Variants in NSUN6 observed in about 807,000 individuals in gnomAD.
The protein encoded by NSUN6 is NOP2/Sun RNA methyltransferase 6, also known as tRNA (cytosine(72)-C(5))-methyltransferase NSUN6.
A neutral mutation model predicts 58.0 loss-of-function variants in NSUN6; 64 were observed. The observed-to-expected ratio is 1.10, with a 90% confidence interval of 0.90 to 1.36. The LOEUF is 1.36. Among genes scored for constraint, NSUN6 ranks in the 40% most tolerant of loss-of-function variants. The pLI, the probability that NSUN6 is intolerant of heterozygous loss-of-function variation, is 0.00. For synonymous variants in NSUN6, 231 were observed against 193.9 expected (o/e 1.19, Z -1.59); for missense variants, 701 against 550.1 (o/e 1.27, Z -2.74).
intron 5 of NSUN6, among the ~76,000 whole-genome samples, chr10:18,612,021 C>T (rs138452508): frequency 6.6e-6 from 1 of 152,160 alleles, no homozygotes; most frequent in African/African-American, 2.4e-5. Flanking sequence ...CTGCTCCAGT[C>T]AGGACCAAAT....
At chr10:18,578,183 A>T (rs1489951452) in intron 8 of NSUN6, among the ~76,000 whole-genome samples, 1 of 150,918 alleles carries the variant, frequency 6.6e-6, no homozygotes, top group Non-Finnish European at 1.5e-5. Context: ...GCTAGGCAGG[A>T]CCTTTGAGCT....
At chr10:18,629,511 T>C (rs1404267232) in intron 3 of NSUN6, among the ~76,000 whole-genome samples, 1 of 144,054 alleles carries the variant, frequency 6.9e-6, no homozygotes, top group African/African-American at 2.6e-5. Flanking sequence ...AGGAAACCCA[T>C]CTCATGTGCA....
intron 8 of NSUN6, among the ~76,000 whole-genome samples, chr10:18,560,551 G>T (rs1334451373): frequency 6.6e-6 from 1 of 150,892 alleles, no homozygotes; most frequent in Admixed American, 6.6e-5. Flanking sequence ...GGAATGGAAT[G>T]CAGTGGTGAA....
Position 18,625,464 on chromosome 10 carries a change from G to C in NSUN6, c.312-9171C>G, listed in dbSNP as rs753858506. 1.4e-4 allele frequency among the ~76,000 whole-genome samples: 21 copies of C among 152,204 alleles called. No individual in the cohort carries two copies. In the South Asian group the frequency reaches 4.0e-3, roughly 29 times the overall value. ...GTGGTGGCTCACACCTGAAATCCCA[G>C]CACTTTGGAAGGCCGAGGTTGGTGG... On this transcript the variant is annotated intron_variant, in intron 3 of 10. Coordinates refer to ENST00000377304, the MANE Select transcript of NSUN6 (RefSeq NM_182543.5).
chr10:18,611,209 A>AAT (rs2058222837), intron 5 of NSUN6, among the ~76,000 whole-genome samples: 4 of 151,950 alleles, frequency 2.6e-5, no homozygotes, highest in African/African-American at 4.8e-5. Flanking sequence ...TTTTAAAAAA[A>AAT]TTTTTTTTAA....
At chr10:18,563,159 A>G (rs1222030824) in intron 8 of NSUN6, among the ~76,000 whole-genome samples, 1 of 149,802 alleles carries the variant, frequency 6.7e-6, no homozygotes, top group Non-Finnish European at 1.5e-5. Flanking sequence ...GTGGAACAAA[A>G]TGGAGAATGG....
At chr10:18,652,446 GAC>G (rs1227011924), upstream of NSUN6, 2 of 982,708 alleles carry the variant, frequency 2.0e-6, no homozygotes, top group Non-Finnish European at 1.2e-6. Flanking sequence ...TATACACACA[GAC>G]ACACACACAT....
chr10:18,625,275 C>A (rs940165106), intron 3 of NSUN6, among the ~76,000 whole-genome samples: 1 of 152,172 alleles, frequency 6.6e-6, no homozygotes, highest in Non-Finnish European at 1.5e-5. Context: ...ATCTCTGATG[C>A]AGGTAATATC....
At chr10:18,636,855 C>T (rs1483291186) in intron 3 of NSUN6, among the ~76,000 whole-genome samples, 4 of 150,302 alleles carry the variant, frequency 2.7e-5, no homozygotes, top group Admixed American at 2.7e-4. Context: ...CTTCACTGCA[C>T]TCCAGCCTGG....
chr10:18,658,783 G>C (rs1434314088), upstream of NSUN6: 1 of 267,528 alleles, frequency 3.7e-6, no homozygotes, highest in East Asian at 1.8e-4. Context: ...CAGGAAGATC[G>C]CTTGAGCCCA....
intron 5 of NSUN6, among the ~76,000 whole-genome samples, chr10:18,610,931 C>G (rs2058210436): frequency 1.3e-5 from 2 of 152,106 alleles, no homozygotes; most frequent in Non-Finnish European, 2.9e-5. Flanking sequence ...TAAGCCGGCA[C>G]AGTGGCTTAT....
chr10:18,565,904 G>A lies in NSUN6; in HGVS notation c.923-13933C>T, dbSNP rs62648434. ...TCCATTCCATTCTCCATTCCATTCC[G>A]TTCTCCATTCTGCATTCCATTCCAT... On this transcript the variant is annotated intron_variant, in intron 8 of 10. Transcript: ENST00000377304. Among the ~76,000 whole-genome samples, 177 of 137,980 alleles carry A rather than the reference G, an allele frequency of 1.3e-3. 1 individual carries two copies. The highest frequency in any genetic ancestry group is 4.4e-3 in the African/African-American group (159 of 36,432). 90.5% of individuals were successfully genotyped at this position (137,980 alleles called of 152,430 possible). A position where few individuals can be genotyped will look rare whatever the true frequency, so the allele number is the denominator to read the frequency against.
At chr10:18,575,279 G>A (rs777596876) in intron 8 of NSUN6, among the ~76,000 whole-genome samples, 23 of 152,128 alleles carry the variant, frequency 1.5e-4, no homozygotes, top group Non-Finnish European at 2.9e-4. Context: ...ACTATAAAAA[G>A]ATTACCTCTC....
intron 6 of NSUN6, among the ~76,000 whole-genome samples, chr10:18,604,179 A>G (rs7477076): frequency 0.25 from 38,534 of 152,000 alleles, 5,644 homozygotes; most frequent in East Asian, 0.74. Context: ...GAGCCTCCAT[A>G]TCAAAAAGCA....
chr10:18,631,935 C>T, intron 3 of NSUN6, among the ~76,000 whole-genome samples: 1 of 152,142 alleles, frequency 6.6e-6, no homozygotes, highest in Non-Finnish European at 1.5e-5. Context: ...AAAAGAGAGC[C>T]CACATCACCA....
chr10:18,577,853 C>A (rs111897595), intron 8 of NSUN6, among the ~76,000 whole-genome samples: 1 of 152,194 alleles, frequency 6.6e-6, no homozygotes. Context: ...CCCTGTCATT[C>A]TCTTTAAATT....
upstream of NSUN6, chr10:18,659,144 C>T (rs926742175): frequency 6.4e-6 from 1 of 156,612 alleles, no homozygotes; most frequent in African/African-American, 2.4e-5. Flanking sequence ...TGAAGGCTGA[C>T]ATCAGAAGGA....
intron 8 of NSUN6, among the ~76,000 whole-genome samples, chr10:18,565,168 T>C (rs1206249004): frequency 6.6e-6 from 1 of 151,344 alleles, no homozygotes; most frequent in Non-Finnish European, 1.5e-5. Flanking sequence ...TTTCATTCCC[T>C]TTCATTCTCT....
At chr10:18,592,739 C>G (rs1196837771) in intron 7 of NSUN6, among the ~76,000 whole-genome samples, 3 of 152,126 alleles carry the variant, frequency 2.0e-5, no homozygotes, top group African/African-American at 7.2e-5. Context: ...AAATGTAAAA[C>G]CCAAAACCAT....
Sources: allele counts gnomAD v4.1 joint callset (sites outside exome capture counted in the v4.1 genomes callset), GRCh38; gene constraint gnomAD v4.1.1; transcripts MANE v1.5; gene names NCBI Gene and HGNC (gene_info 2026-07-23, HGNC 2026-07-21).